The following VIL1 variants were observed in gnomAD, a reference collection of about 807,000 sequenced individuals.
VIL1 encodes the protein villin-1.
In VIL1, 86 loss-of-function variants were observed where a neutral mutation model predicts 104.0. That is an observed-to-expected ratio of 0.83 (90% CI 0.69 to 0.99). The LOEUF is 0.99. Among genes scored for constraint, VIL1 ranks in the 50% least tolerant of loss-of-function variants. The pLI, the probability that VIL1 is intolerant of heterozygous loss-of-function variation, is 0.00. For synonymous variants in VIL1, 394 were observed against 412.6 expected, an observed-to-expected ratio of 0.95 and a Z score of 0.55; for missense variants, 944 against 1,054.1, an observed-to-expected ratio of 0.90 and a Z score of 1.45.
Position 218,429,320 on chromosome 2 carries a change from G to C in VIL1, c.603G>C (p.Glu201Asp). 1 of 1,614,038 alleles carries C rather than the reference G, an allele frequency of 6.2e-7. No individual in the cohort carries two copies. The highest frequency in any genetic ancestry group is 8.5e-7 in the Non-Finnish European group (1 of 1,179,990). Reference sequence around the variant, plus strand: ...TGGCCAAGGAGATCCGAGACCAGGAGCGGGGAGGGCGCACCTATGTAGGCG... The same window carrying C: ...TGGCCAAGGAGATCCGAGACCAGGACCGGGGAGGGCGCACCTATGTAGGCG... ...MTLAKEIRDQ[E>D]RGGRTYVGVV... The change falls in exon 7 of 20, where the codon GAG (glutamate) becomes GAC (aspartate). Residue 201 changes from glutamate (E) to aspartate (D), a missense_variant. Glu to Asp is a conservative substitution (Grantham distance 45, BLOSUM62 2). Transcript: ENST00000248444.
rs774955769 is a variant in VIL1, at chr2:218,429,457, C to T, written c.740C>T (p.Pro247Leu). ...KAAVPDTVVE[P>L]ALKAALKLYH... ...GCCGTGCCCGACACGGTGGTGGAGC[C>T]GGCACTCAAGGCTGCACTCAAACTG... is the stretch of plus-strand genomic sequence containing the variant. Residue 247 changes from proline to leucine, a missense_variant, in exon 7 of 20, where the codon CCG becomes CTG. Coordinates refer to ENST00000248444, the MANE Select transcript of VIL1 (RefSeq NM_007127.3). 25 of 1,613,868 alleles carry T rather than the reference C, an allele frequency of 1.5e-5. No individual in the cohort carries two copies. The highest frequency in any genetic ancestry group is 2.7e-5 in the African/African-American group (2 of 74,934).
Position 218,432,842 on chromosome 2 carries a change from T to C in VIL1, c.1391T>C (p.Val464Ala), listed in dbSNP as rs1225017423. ...ATTACAGCATCAGCTTATCAAGCCGTCATCCTGGACCAGAAGTACAATGGT... is the reference window on the plus strand; with the variant it reads ...ATTACAGCATCAGCTTATCAAGCCGCCATCCTGGACCAGAAGTACAATGGT... ...DEITASAYQA[V>A]ILDQKYNGEP... The change falls in exon 13 of 20, where the codon GTC becomes GCC. Residue 464 changes from valine (V) to alanine (A), a missense_variant. Val to Ala is a moderately conservative substitution (Grantham distance 64). Coordinates refer to ENST00000248444, the MANE Select transcript of VIL1 (RefSeq NM_007127.3). 1 of 1,614,082 alleles carries C rather than the reference T, an allele frequency of 6.2e-7. No homozygotes were observed. The highest frequency in any genetic ancestry group is 1.7e-5 in the Admixed American group (1 of 60,008).
At chr2:218,449,073 T>C in intron 19 of VIL1, 150 bp from the exon 20 acceptor site, 1 of 671,156 alleles carries the variant, frequency 1.5e-6, no homozygotes, top group South Asian at 1.7e-5. Flanking sequence ...TCTCCATCCC[T>C]TTCCTGGCTC....
chr2:218,438,134 AGT>A (rs780051303), intron 17 of VIL1, among the ~76,000 whole-genome samples: 5 of 151,890 alleles, frequency 3.3e-5, no homozygotes, highest in Non-Finnish European at 7.4e-5. Context: ...CCTCACCTCA[AGT>A]GTGTGCTGGC....
rs774557370 is a variant in VIL1 at position 218,427,951 on chromosome 2, A to G, written c.348-14A>G. ...CCAGCCCACTTCCTTGGGTCAGCTCACCTCTCTTCTCAGGATCCGGAAAGG... is the reference window on the plus strand; with the variant it reads ...CCAGCCCACTTCCTTGGGTCAGCTCGCCTCTCTTCTCAGGATCCGGAAAGG... On this transcript the variant is annotated splice_polypyrimidine_tract_variant and intron_variant, in intron 4 of 19. Transcript: ENST00000248444. 2 of 1,612,472 alleles carry G rather than the reference A, an allele frequency of 1.2e-6. No individual in the cohort carries two copies. Among genetic ancestry groups the G allele is most frequent in the Non-Finnish European group, 1.7e-6 (2 of 1,179,188 alleles).
intron 12 of VIL1, 83 bp from the exon 13 acceptor site, chr2:218,432,710 G>A: frequency 6.4e-7 from 1 of 1,562,392 alleles, no homozygotes; most frequent in African/African-American, 1.4e-5. Context: ...CAGACTTGAG[G>A]ATGGAGTTGT....
intron 19 of VIL1, among the ~76,000 whole-genome samples, chr2:218,443,343 G>A (rs558986451): frequency 6.6e-6 from 1 of 151,726 alleles, no homozygotes; most frequent in South Asian, 2.1e-4. Context: ...GATTACATCC[G>A]CACACCACCA....
rs1268136501 is a variant in VIL1, at chr2:218,432,151, G to A, written c.1309G>A (p.Glu437Lys). ...GCTGCTCTACACCTACCTCATCGGC[G>A]AGAAGCAGCATTACCTGCTCTACGT... is the stretch of plus-strand genomic sequence containing the variant. ...YLLLYTYLIG[E>K]KQHYLLYVWQ... Residue 437 changes from glutamate to lysine, a missense_variant, in exon 12 of 20, where the codon GAG (glutamate) becomes AAG (lysine). Transcript: ENST00000248444. 16 of 1,613,802 alleles carry A rather than the reference G, an allele frequency of 9.9e-6. No homozygotes were observed. In the Admixed American group the frequency reaches 2.0e-4, roughly 20 times the overall value.
chr2:218,427,481 T>A (rs1412022815), intron 4 of VIL1, among the ~76,000 whole-genome samples: 1 of 151,974 alleles, frequency 6.6e-6, no homozygotes, highest in Non-Finnish European at 1.5e-5. Flanking sequence ...CCCGCCACCA[T>A]GCCCAGCTAA....
chr2:218,451,472 T>A lies in VIL1; in HGVS notation c.*2136T>A, dbSNP rs940635743. 1 of 152,192 alleles carries A rather than the reference T, an allele frequency of 6.6e-6. No homozygotes were observed. Among genetic ancestry groups the A allele is most frequent in the Non-Finnish European group, 1.5e-5 (1 of 68,042 alleles). The allele number at this position is 152,192 out of a possible 1,614,324, so 9.4% of individuals were successfully genotyped here. A position where few individuals can be genotyped will look rare whatever the true frequency, so the allele number is the denominator to read the frequency against. ...TTTCAGAGGACAGAGAAGGAAAATATTTTAATTTGCTTTAATATAACCTCT... is the reference window on the plus strand; with the variant it reads ...TTTCAGAGGACAGAGAAGGAAAATAATTTAATTTGCTTTAATATAACCTCT... On this transcript the variant is annotated 3_prime_UTR_variant, in exon 20 of 20. Transcript: ENST00000248444.
chr2:218,421,057 A>C (rs1358138276), intron 1 of VIL1, among the ~76,000 whole-genome samples: 1 of 152,072 alleles, frequency 6.6e-6, no homozygotes, highest in Non-Finnish European at 1.5e-5. Context: ...CCCCTTGTCC[A>C]GCTGAGGATT....
intron 10 of VIL1, among the ~76,000 whole-genome samples, chr2:218,431,370 A>T (rs1235291927): frequency 2.0e-5 from 3 of 150,394 alleles, no homozygotes; most frequent in Non-Finnish European, 3.0e-5. Flanking sequence ...AAAAAAAAAA[A>T]AAAGGGGAGC....
intron 19 of VIL1, 117 bp downstream of exon 19, chr2:218,440,979 C>A: frequency 2.4e-6 from 3 of 1,249,174 alleles, no homozygotes; most frequent in Non-Finnish European, 2.2e-6. Flanking sequence ...CAGATGGGAT[C>A]CTGCCTTCAT....
At chr2:218,434,998 G>A (rs1689163467) in intron 14 of VIL1, among the ~76,000 whole-genome samples, 1 of 152,252 alleles carries the variant, frequency 6.6e-6, no homozygotes, top group African/African-American at 2.4e-5. Context: ...TATGTCTTGG[G>A]CTCTCTCTCA....
chr2:218,439,569 A>C (rs998234566), intron 18 of VIL1, among the ~76,000 whole-genome samples: 2 of 152,126 alleles, frequency 1.3e-5, no homozygotes, highest in African/African-American at 4.8e-5. Flanking sequence ...CTGTAATCTC[A>C]GCACTTTGGG....
chr2:218,429,164 C>A, intron 6 of VIL1, 121 bp from the exon 7 acceptor site: 1 of 1,137,886 alleles, frequency 8.8e-7, no homozygotes, highest in Non-Finnish European at 1.3e-6. Context: ...AAAAGCAGGG[C>A]AGGGGTCTCA....
intron 1 of VIL1, among the ~76,000 whole-genome samples, chr2:218,422,391 A>G (rs1172570858): frequency 6.6e-6 from 1 of 152,156 alleles, no homozygotes; most frequent in Admixed American, 6.5e-5. Flanking sequence ...AGCCCTGGGG[A>G]CTTGGTAGGT....
At chr2:218,422,443 G>A (rs1329193879) in intron 1 of VIL1, among the ~76,000 whole-genome samples, 1 of 152,156 alleles carries the variant, frequency 6.6e-6, no homozygotes, top group Non-Finnish European at 1.5e-5. Flanking sequence ...GCCTGATGGA[G>A]AAGGCCATAG....
chr2:218,426,760 T>C (rs1248807864), intron 4 of VIL1, among the ~76,000 whole-genome samples: 3 of 152,012 alleles, frequency 2.0e-5, no homozygotes, highest in South Asian at 2.1e-4. Context: ...CACCACCACG[T>C]CCGGCTAATT....
Sources: gnomAD v4.1 joint callset for allele counts (sites outside exome capture counted in the v4.1 genomes callset) on GRCh38, gnomAD v4.1.1 for gene constraint, MANE v1.5 for transcripts, NCBI Gene and HGNC (gene_info 2026-07-23, HGNC 2026-07-21) for gene names.